CASP14: variants seen among roughly 807,000 people sequenced by gnomAD.
The protein encoded by CASP14 is caspase-14.
In CASP14, 27 loss-of-function variants were observed where a neutral mutation model predicts 28.4. The ratio of observed to expected loss-of-function variants is 0.95; its 90% CI spans 0.70 to 1.31. CASP14 has a LOEUF of 1.31. Ranked by LOEUF, CASP14 falls within the 50% of genes most tolerant of loss-of-function variation. The pLI is 0.00. For synonymous variants in CASP14, 115 were observed against 118.6 expected (o/e 0.97, Z 0.20); for missense variants, 323 against 312.8 (o/e 1.03, Z -0.25).
intron 2 of CASP14, 95 bp downstream of exon 2, chr19:15,052,373 T>G: frequency 8.1e-7 from 1 of 1,229,636 alleles, no homozygotes; most frequent in Non-Finnish European, 1.1e-6. Context: ...ACTGAAAAAA[T>G]CATGATCTGA....
rs1328850747 is a variant in CASP14 at position 15,053,586 on chromosome 19, G to A, written c.132G>A (p.Arg44=). The A allele has an allele frequency of 6.2e-7, 1 of 1,614,020 alleles. No homozygotes were observed. Residue 44 remains arginine (R), a synonymous_variant, in exon 3 of 7, where the codon CGG becomes CGA. Coordinates refer to ENST00000427043, the MANE Select transcript of CASP14 (RefSeq NM_012114.3). The part of the protein sequence containing the change: ...EDLDALEHMF[R]QLRFESTMKR... ...TGGATGCTCTGGAACACATGTTTCG[G>A]CAGCTGAGATTCGAAAGCACCATGA...
rs2046126681 is a variant in CASP14, at chr19:15,058,226, T to G, written c.*2137T>G. 6.6e-6 allele frequency: 1 copy of G among 152,204 alleles called. No homozygotes were observed. Among genetic ancestry groups the G allele is most frequent in the Non-Finnish European group, 1.5e-5 (1 of 68,054 alleles). 9.4% of individuals were successfully genotyped at this position (152,204 alleles called of 1,614,324 possible). A position where few individuals can be genotyped will look rare whatever the true frequency, so the allele number is the denominator to read the frequency against. ...ATTAGATGCTGGAAATGACCACTTC[T>G]GGAGGGCAGGGAACAAGCCCTTAAT... On this transcript the variant is annotated 3_prime_UTR_variant, in exon 7 of 7. Coordinates refer to ENST00000427043, the MANE Select transcript of CASP14 (RefSeq NM_012114.3).
At chr19:15,050,488 GGATGGATT>G (rs1429162723) in intron 1 of CASP14, among the ~76,000 whole-genome samples, 99 of 146,080 alleles carry the variant, frequency 6.8e-4, no homozygotes, top group Non-Finnish European at 1.3e-3. Context: ...GTGGGTGGGT[GGATGGATT>G]GATGGATGGA....
At chr19:15,053,204 C>A (rs1247238379) in intron 2 of CASP14, among the ~76,000 whole-genome samples, 1 of 152,082 alleles carries the variant, frequency 6.6e-6, no homozygotes, top group African/African-American at 2.4e-5. Context: ...ACTTCCCAGG[C>A]TCAAGCTATC....
chr19:15,057,611 A>T lies in CASP14; in HGVS notation c.*1522A>T, dbSNP rs1371264663. ...TACCATATTATTTAAAGACCAGGGT[A>T]CTGGACAGTGGCTCACACCTGTATT... On this transcript the variant is annotated 3_prime_UTR_variant, in exon 7 of 7. Coordinates refer to ENST00000427043, the MANE Select transcript of CASP14 (RefSeq NM_012114.3). 6.6e-6 allele frequency: 1 copy of T among 151,478 alleles called. No homozygotes were observed. The highest frequency in any genetic ancestry group is 1.5e-5 in the Non-Finnish European group (1 of 68,136). The allele number at this position is 151,478 out of a possible 1,614,324, so 9.4% of individuals were successfully genotyped here. A position where few individuals can be genotyped will look rare whatever the true frequency, so the allele number is the denominator to read the frequency against.
At chr19:15,053,185 G>T (rs918640904) in intron 2 of CASP14, among the ~76,000 whole-genome samples, 11 of 152,008 alleles carry the variant, frequency 7.2e-5, no homozygotes, top group African/African-American at 2.7e-4. Flanking sequence ...ATAGTTCACT[G>T]CAGCCTCAAC....
Position 15,056,792 on chromosome 19 carries a change from A to G in CASP14, c.*703A>G, listed in dbSNP as rs1417008588. On this transcript the variant is annotated 3_prime_UTR_variant, in exon 7 of 7. Transcript: ENST00000427043. ...ATCTATTCAACTATTCTTGCATTCA[A>G]TTACTCTAAATGAGAGCGTGTTGGA... is the stretch of plus-strand genomic sequence containing the variant. The G allele has an allele frequency of 6.6e-6, 1 of 152,204 alleles. No homozygotes were observed. The highest frequency in any genetic ancestry group is 1.5e-5 in the Non-Finnish European group (1 of 68,110). The allele number at this position is 152,204 out of a possible 1,614,324, so 9.4% of individuals were successfully genotyped here. A position where few individuals can be genotyped will look rare whatever the true frequency, so the allele number is the denominator to read the frequency against.
Position 15,053,837 on chromosome 19 carries a change from C to T in CASP14, c.282C>T (p.Phe94=). 2 of 1,614,112 alleles carry T rather than the reference C, an allele frequency of 1.2e-6. No homozygotes were observed. The highest frequency in any genetic ancestry group is 1.7e-6 in the Non-Finnish European group (2 of 1,180,014). ...VVLMAHGREG[F]LKGEDGEMVK... ...TCATGGCTCACGGGAGGGAAGGCTTCCTCAAGGGAGAAGATGGGGAGATGG... is the reference window on the plus strand; with the variant it reads ...TCATGGCTCACGGGAGGGAAGGCTTTCTCAAGGGAGAAGATGGGGAGATGG... The change falls in exon 4 of 7, where the codon TTC becomes TTT. Residue 94 remains phenylalanine, a synonymous_variant. Transcript: ENST00000427043.
chr19:15,054,935 C>T (rs1485954383), intron 4 of CASP14: 1 of 505,364 alleles, frequency 2.0e-6, no homozygotes, highest in Non-Finnish European at 3.6e-6. Flanking sequence ...GCCACCGTGC[C>T]CAGCCCTTAC....
Position 15,055,988 on chromosome 19 carries a change from A to T in CASP14, c.628A>T (p.Thr210Ser). The stretch of plus-strand genomic sequence containing the variant: ...CTCACCACACCTGTTGCTGCAGGTG[A>T]CCCGGCGGATGGCAGAAGCAGAGCT... ...GHILELLTEV[T>S]RRMAEAELVQ... Residue 210 changes from threonine (T) to serine (S), a missense_variant, in exon 7 of 7, where the codon ACC becomes TCC. Physicochemically the swap from Thr to Ser is moderately conservative, Grantham distance 58. Transcript: ENST00000427043. The T allele has an allele frequency of 6.2e-7, 1 of 1,604,784 alleles. No homozygotes were observed. Among genetic ancestry groups the T allele is most frequent in the Non-Finnish European group, 8.5e-7 (1 of 1,175,388 alleles).
At chr19:15,051,502 CA>C (rs3040744) in intron 1 of CASP14, among the ~76,000 whole-genome samples, 350 of 84,650 alleles carry the variant, frequency 4.1e-3, no homozygotes, top group African/African-American at 0.013. Context: ...GATTCTGTCT[CA>C]AAAAAAAAAA....
chr19:15,053,307 T>A (rs1451965080), intron 2 of CASP14, among the ~76,000 whole-genome samples, 175 bp from the exon 3 acceptor site: 1 of 152,088 alleles, frequency 6.6e-6, no homozygotes, highest in Non-Finnish European at 1.5e-5. Context: ...AGAGTCTCAC[T>A]ATGTTGCCCA....
At chr19:15,051,928 A>C (rs1257093192) in intron 1 of CASP14, among the ~76,000 whole-genome samples, 2 of 151,834 alleles carry the variant, frequency 1.3e-5, no homozygotes, top group African/African-American at 4.8e-5. Context: ...CGGGAGACAC[A>C]GGAAGTTTTT....
At chr19:15,053,243 G>A (rs1249366346) in intron 2 of CASP14, among the ~76,000 whole-genome samples, 2 of 151,992 alleles carry the variant, frequency 1.3e-5, no homozygotes, top group Non-Finnish European at 2.9e-5. Flanking sequence ...AAGTAGCTGG[G>A]ACCACAGATG....
At position 15,053,563 on chromosome 19, in the gene CASP14, G is replaced by A; in HGVS notation, c.109G>A (p.Asp37Asn). The change falls in exon 3 of 7, where the codon GAT becomes AAT. Residue 37 changes from aspartate to asparagine, a missense_variant. Physicochemically the swap from Asp to Asn is conservative, Grantham distance 23 (BLOSUM62 1). Coordinates refer to ENST00000427043, the MANE Select transcript of CASP14 (RefSeq NM_012114.3). ...CCGGGAAGGTTCCGAAGAAGACCTGGATGCTCTGGAACACATGTTTCGGCA... is the reference window on the plus strand; with the variant it reads ...CCGGGAAGGTTCCGAAGAAGACCTGAATGCTCTGGAACACATGTTTCGGCA... ...KAREGSEEDL[D>N]ALEHMFRQLR... is the part of the protein sequence containing the mutation. 1 of 1,614,196 alleles carries A rather than the reference G, an allele frequency of 6.2e-7. No homozygotes were observed. Among genetic ancestry groups the A allele is most frequent in the South Asian group, 1.1e-5 (1 of 91,080 alleles).
At chr19:15,050,365 A>G (rs183781990) in intron 1 of CASP14, among the ~76,000 whole-genome samples, 281 of 152,064 alleles carry the variant, frequency 1.8e-3, no homozygotes, top group Non-Finnish European at 2.4e-3. Flanking sequence ...CATTTCTGTC[A>G]CAGACTAGAG....
intron 5 of CASP14, 35 bp from the exon 6 acceptor site, chr19:15,055,395 A>G (rs956572551): frequency 1.2e-6 from 2 of 1,600,008 alleles, no homozygotes; most frequent in Admixed American, 1.7e-5. Flanking sequence ...CTACCCTCTG[A>G]AGCTCCCCCG....
rs2046117841 is a variant in CASP14 at position 15,056,414 on chromosome 19, A to C, written c.*325A>C. The C allele has an allele frequency of 4.3e-6, 1 of 232,570 alleles. No individual in the cohort carries two copies. The highest frequency in any genetic ancestry group is 8.7e-6 in the Non-Finnish European group (1 of 114,624). The allele number at this position is 232,570 out of a possible 1,614,324, so 14.4% of individuals were successfully genotyped here. A position where few individuals can be genotyped will look rare whatever the true frequency, so the allele number is the denominator to read the frequency against. On this transcript the variant is annotated 3_prime_UTR_variant, in exon 7 of 7. Transcript: ENST00000427043. ...GGTCTTCTTTCTCCCATGAAGCAGAAACTGGATAAAGCTCAAGATTTTCCA... is the reference window on the plus strand; with the variant it reads ...GGTCTTCTTTCTCCCATGAAGCAGACACTGGATAAAGCTCAAGATTTTCCA...
chr19:15,051,314 C>T (rs527643633), intron 1 of CASP14, among the ~76,000 whole-genome samples: 2 of 151,152 alleles, frequency 1.3e-5, no homozygotes, highest in East Asian at 3.9e-4. Flanking sequence ...CTGGCTAACA[C>T]AGTGAAATCC....
Sources: allele counts gnomAD v4.1 joint callset (sites outside exome capture counted in the v4.1 genomes callset), GRCh38; gene constraint gnomAD v4.1.1; transcripts MANE v1.5; gene names NCBI Gene and HGNC (gene_info 2026-07-23, HGNC 2026-07-21).